The following RBM46 variants were observed in gnomAD, a reference collection of about 807,000 sequenced individuals.
The protein encoded by RBM46 is RNA binding motif protein 46.
Under a neutral mutation model 43.3 loss-of-function variants are expected in RBM46, and 12 were observed. The observed-to-expected ratio is 0.28, with a 90% CI of 0.18 to 0.45. The LOEUF (loss-of-function observed/expected upper bound fraction) is 0.45. Among genes scored for constraint, RBM46 ranks in the 20% least tolerant of loss-of-function variants. The pLI is 1.00. For synonymous variants in RBM46, 205 were observed against 207.6 expected (o/e 0.99, Z 0.11); for missense variants, 412 against 639.1 (o/e 0.64, Z 3.83).
chr4:154,825,055 C>T (rs1380105469), intron 4 of RBM46, among the ~76,000 whole-genome samples: 1 of 151,970 alleles, frequency 6.6e-6, no homozygotes, highest in Non-Finnish European at 1.5e-5. Flanking sequence ...AGTGTTAAGG[C>T]AGTTGAATAA....
intron 4 of RBM46, among the ~76,000 whole-genome samples, chr4:154,821,036 T>A (rs1735697447): frequency 6.6e-6 from 1 of 151,768 alleles, no homozygotes; most frequent in Non-Finnish European, 1.5e-5. Context: ...CACTTCCTCA[T>A]TGACAAAGGG....
chr4:154,809,772 G>A (rs1239675727), intron 4 of RBM46, among the ~76,000 whole-genome samples: 1 of 152,068 alleles, frequency 6.6e-6, no homozygotes, highest in African/African-American at 2.4e-5. Flanking sequence ...GGTAAGGGTA[G>A]GTTGTTCACT....
chr4:154,783,822 A>G (rs1228881909), intron 1 of RBM46, among the ~76,000 whole-genome samples: 1 of 152,244 alleles, frequency 6.6e-6, no homozygotes, highest in East Asian at 1.9e-4. Context: ...TCTTTAATAA[A>G]AACAACTTAA....
intron 1 of RBM46, 31 bp from the exon 2 acceptor site, chr4:154,796,711 A>G (rs1384194149): frequency 1.4e-6 from 2 of 1,461,964 alleles, no homozygotes; most frequent in African/African-American, 2.8e-5. Flanking sequence ...TCTGTTGTAA[A>G]CTTAACCAGT....
intron 1 of RBM46, chr4:154,787,019 A>G (rs909493247): frequency 1.3e-5 from 2 of 152,222 alleles, no homozygotes; most frequent in African/African-American, 4.8e-5. Context: ...TGAAATGAAT[A>G]AGAAAGGAGG....
At chr4:154,790,227 T>C (rs1392801160) in intron 1 of RBM46, 1 of 152,236 alleles carries the variant, frequency 6.6e-6, no homozygotes, top group Non-Finnish European at 1.5e-5. Flanking sequence ...TGAATGTGTT[T>C]GCTCTTGCTT....
intron 1 of RBM46, among the ~76,000 whole-genome samples, chr4:154,785,206 A>T (rs1341270408): frequency 6.6e-6 from 1 of 152,056 alleles, no homozygotes; most frequent in African/African-American, 2.4e-5. Flanking sequence ...AAAGTCTAGC[A>T]TATGTTTCTA....
At chr4:154,787,812 T>C (rs1309875638) in intron 1 of RBM46, among the ~76,000 whole-genome samples, 3 of 152,326 alleles carry the variant, frequency 2.0e-5, no homozygotes, top group South Asian at 4.1e-4. Context: ...AGTGTAAAAG[T>C]GTTCCTATTT....
intron 4 of RBM46, among the ~76,000 whole-genome samples, chr4:154,823,090 G>C (rs893658828): frequency 6.6e-6 from 1 of 151,778 alleles, no homozygotes. Flanking sequence ...ACATTATTCA[G>C]CCATTAAAAG....
chr4:154,790,285 C>T (rs1320514217), intron 1 of RBM46: 1 of 152,120 alleles, frequency 6.6e-6, no homozygotes, highest in Non-Finnish European at 1.5e-5. Flanking sequence ...TTAGATCTTT[C>T]CTGCTTTCTC....
chr4:154,808,034 T>C (rs1734991359), intron 4 of RBM46, among the ~76,000 whole-genome samples: 1 of 152,028 alleles, frequency 6.6e-6, no homozygotes, highest in Admixed American at 6.6e-5. Context: ...ACTACACTAA[T>C]AATATTATCA....
chr4:154,812,643 G>A (rs576085130), intron 4 of RBM46, among the ~76,000 whole-genome samples: 2 of 152,202 alleles, frequency 1.3e-5, no homozygotes, highest in Non-Finnish European at 2.9e-5. Context: ...TTATCAGTCC[G>A]AATAGGTTTA....
intron 4 of RBM46, among the ~76,000 whole-genome samples, chr4:154,816,922 A>G (rs1230977531): frequency 1.3e-5 from 2 of 152,120 alleles, no homozygotes; most frequent in Non-Finnish European, 2.9e-5. Flanking sequence ...GCATCTAGTT[A>G]ATTACATCAT....
chr4:154,789,370 G>T (rs1206265117), intron 1 of RBM46, among the ~76,000 whole-genome samples: 1 of 152,158 alleles, frequency 6.6e-6, no homozygotes, highest in Non-Finnish European at 1.5e-5. Flanking sequence ...TTTATTGAGA[G>T]TTTTTAGCAT....
At position 154,822,234 on chromosome 4, in the gene RBM46, G is replaced by A. The variant is rs555339705; in HGVS notation, c.1403-5634G>A. ...TTTCTTTCACCCCCAAAAGTTGCCC[G>A]ATGCCCCATTGTAATCCATTCTTCC... On this transcript the variant is annotated intron_variant, in intron 4 of 4. Transcript: ENST00000281722. 4.6e-5 allele frequency among the ~76,000 whole-genome samples: 7 copies of A among 151,684 alleles called. 1 individual carries two copies. The highest frequency in any genetic ancestry group is 1.7e-4 in the African/African-American group (7 of 41,478).
chr4:154,808,486 C>T (rs767311630), intron 4 of RBM46, among the ~76,000 whole-genome samples: 1 of 151,816 alleles, frequency 6.6e-6, no homozygotes, highest in Non-Finnish European at 1.5e-5. Flanking sequence ...TACATAGTTC[C>T]AGTCTGCTTG....
chr4:154,813,116 C>T (rs1487386006), intron 4 of RBM46, among the ~76,000 whole-genome samples: 1 of 151,916 alleles, frequency 6.6e-6, no homozygotes, highest in East Asian at 1.9e-4. Context: ...AAGCAATCTA[C>T]ATGCTATAAA....
At chr4:154,810,678 A>G (rs780155322) in intron 4 of RBM46, among the ~76,000 whole-genome samples, 51 of 152,280 alleles carry the variant, frequency 3.3e-4, no homozygotes, top group Non-Finnish European at 5.7e-4. Flanking sequence ...ACAAACAAAA[A>G]TAATTTTTTA....
intron 4 of RBM46, among the ~76,000 whole-genome samples, chr4:154,804,895 G>A (rs548830129): frequency 6.7e-6 from 1 of 149,602 alleles, no homozygotes. Context: ...GCATTCTGGA[G>A]CTAAAGATAA....
Sources: allele counts gnomAD v4.1 joint callset (sites outside exome capture counted in the v4.1 genomes callset), GRCh38; gene constraint gnomAD v4.1.1; transcripts MANE v1.5; gene names NCBI Gene and HGNC (gene_info 2026-07-23, HGNC 2026-07-21).